COLEC12: variants seen among roughly 807,000 people sequenced by gnomAD.
COLEC12 encodes collectin subfamily member 12, also known as collectin-12.
In COLEC12, 33 loss-of-function variants were observed where a neutral mutation model predicts 71.1. The observed-to-expected ratio is 0.46, with a 90% CI of 0.35 to 0.62. The LOEUF (loss-of-function observed/expected upper bound fraction) is 0.62, where lower values mean the gene tolerates loss of function less well. COLEC12 is among the 20% of genes least tolerant of loss of function. The pLI, the probability that COLEC12 is intolerant of heterozygous loss-of-function variation, is 0.00. For missense variants in COLEC12, 765 were observed against 916.1 expected (o/e 0.84, Z 2.13); for synonymous variants, 350 against 353.0 (o/e 0.99, Z 0.10).
rs10689788 is a variant in COLEC12 at position 497,383 on chromosome 18, G to GGTGTGTGTGTGTGT, written c.7+3111_7+3124dup. Among the ~76,000 whole-genome samples the GGTGTGTGTGTGTGT allele has an allele frequency of 4.0e-3, 585 of 147,136 alleles. 4 individuals are homozygous for GGTGTGTGTGTGTGT. The highest frequency in any genetic ancestry group is 7.7e-3 in the Admixed American group (115 of 14,860). ...GATTTTCAATTTGGCTAAAGAATGGGGTGTGTGTGTGTGTGTGTGTGTGTG... is the reference window on the plus strand; with the variant it reads ...GATTTTCAATTTGGCTAAAGAATGGGGTGTGTGTGTGTGTGTGTGTGTGTGTGTGTGTGTGTGTG... On this transcript the variant is annotated intron_variant, in intron 1 of 9. Transcript: ENST00000400256.
At chr18:451,036 A>G (rs1916750729) in intron 2 of COLEC12, among the ~76,000 whole-genome samples, 1 of 152,240 alleles carries the variant, frequency 6.6e-6, no homozygotes. Flanking sequence ...CTAAGCAGCA[A>G]AACATTCAAG....
At chr18:394,227 C>T (rs1440659724) in intron 2 of COLEC12, among the ~76,000 whole-genome samples, 1 of 152,192 alleles carries the variant, frequency 6.6e-6, no homozygotes, top group Non-Finnish European at 1.5e-5. Context: ...TTCCATAGGA[C>T]AGAGGACAGG....
At chr18:349,748 T>C (rs557217764) in intron 3 of COLEC12, among the ~76,000 whole-genome samples, 2 of 152,350 alleles carry the variant, frequency 1.3e-5, no homozygotes, top group Admixed American at 6.5e-5. Flanking sequence ...ATGACCGGGA[T>C]GTGCGACCTG....
At chr18:435,186 A>T (rs1312912856) in intron 2 of COLEC12, among the ~76,000 whole-genome samples, 4 of 152,204 alleles carry the variant, frequency 2.6e-5, no homozygotes, top group African/African-American at 9.6e-5. Flanking sequence ...TTGACCTTCC[A>T]ATTTGAAGAA....
At chr18:451,922 T>C (rs1916770429) in intron 2 of COLEC12, among the ~76,000 whole-genome samples, 1 of 152,164 alleles carries the variant, frequency 6.6e-6, no homozygotes, top group Non-Finnish European at 1.5e-5. Flanking sequence ...CAAGTATTAT[T>C]AATAATATCC....
intron 2 of COLEC12, among the ~76,000 whole-genome samples, chr18:440,085 G>A (rs1458618418): frequency 6.6e-6 from 1 of 151,612 alleles, no homozygotes; most frequent in Non-Finnish European, 1.5e-5. Flanking sequence ...AGGATATTAT[G>A]CTAAGTGAAG....
At chr18:382,883 T>C (rs1163578991) in intron 2 of COLEC12, among the ~76,000 whole-genome samples, 1 of 152,264 alleles carries the variant, frequency 6.6e-6, no homozygotes. Flanking sequence ...CATTGTGTAA[T>C]GATCAAATTA....
At chr18:448,071 T>A (rs1567910843) in intron 2 of COLEC12, among the ~76,000 whole-genome samples, 1 of 152,184 alleles carries the variant, frequency 6.6e-6, no homozygotes, top group Admixed American at 6.5e-5. Flanking sequence ...TGAAAAAAAA[T>A]AATTGTGCTG....
intron 3 of COLEC12, among the ~76,000 whole-genome samples, chr18:351,535 T>C (rs181412525): frequency 1.6e-4 from 25 of 152,260 alleles, no homozygotes; most frequent in Admixed American, 8.5e-4. Context: ...ACTTTGTAGG[T>C]AGTCAATGAA....
At chr18:446,376 A>G (rs1916650296) in intron 2 of COLEC12, among the ~76,000 whole-genome samples, 1 of 152,066 alleles carries the variant, frequency 6.6e-6, no homozygotes, top group South Asian at 2.1e-4. Context: ...AGGAACTGCC[A>G]GATTGTTATG....
chr18:432,287 T>C (rs1389455700), intron 2 of COLEC12, among the ~76,000 whole-genome samples: 1 of 152,200 alleles, frequency 6.6e-6, no homozygotes, highest in Non-Finnish European at 1.5e-5. Flanking sequence ...ATTTAAGTAC[T>C]AAAACAATAT....
rs536017170 is a variant in COLEC12, at chr18:325,883, C to T, written c.2064-4076G>A. On this transcript the variant is annotated intron_variant, in intron 8 of 9. Coordinates refer to ENST00000400256, the MANE Select transcript of COLEC12 (RefSeq NM_130386.3). ...CTTGCTATGTTGCTCAGGCCGGTCT[C>T]GAACTCCTAGGCTCAAGCAATCCTC... Among the ~76,000 whole-genome samples the T allele has an allele frequency of 9.2e-5, 14 of 152,020 alleles. No homozygotes were observed. In the South Asian group the frequency reaches 2.1e-3, roughly 23 times the overall value.
chr18:412,214 G>C (rs749528405), intron 2 of COLEC12, among the ~76,000 whole-genome samples: 1 of 151,964 alleles, frequency 6.6e-6, no homozygotes, highest in Non-Finnish European at 1.5e-5. Flanking sequence ...TTTAAAAGCA[G>C]CAAGATAAAA....
chr18:453,411 G>A (rs533160561), intron 2 of COLEC12, among the ~76,000 whole-genome samples: 56 of 152,286 alleles, frequency 3.7e-4, no homozygotes, highest in African/African-American at 1.3e-3. Flanking sequence ...AGTTTCCCCT[G>A]ACCAGCATCC....
At chr18:463,745 T>C (rs1917031150) in intron 2 of COLEC12, among the ~76,000 whole-genome samples, 1 of 152,178 alleles carries the variant, frequency 6.6e-6, no homozygotes, top group Non-Finnish European at 1.5e-5. Flanking sequence ...CACACGTCCA[T>C]CACCAGCTTA....
At chr18:361,886 T>C (rs548609804) in intron 2 of COLEC12, among the ~76,000 whole-genome samples, 27 of 152,308 alleles carry the variant, frequency 1.8e-4, no homozygotes, top group African/African-American at 6.3e-4. Context: ...GTGAGCTTCT[T>C]ATGCCTCTTC....
At chr18:353,906 ATG>A (rs977143505) in intron 3 of COLEC12, among the ~76,000 whole-genome samples, 21 of 152,230 alleles carry the variant, frequency 1.4e-4, no homozygotes, top group African/African-American at 5.1e-4. Flanking sequence ...GTGTGATTTG[ATG>A]TGTATTTTGA....
intron 2 of COLEC12, among the ~76,000 whole-genome samples, chr18:370,134 C>T (rs1914968800): frequency 6.6e-6 from 1 of 152,170 alleles, no homozygotes; most frequent in South Asian, 2.1e-4. Flanking sequence ...CAGATTCTAC[C>T]AGCTGAGCCA....
intron 2 of COLEC12, among the ~76,000 whole-genome samples, chr18:465,981 T>C (rs1598373860): frequency 6.6e-6 from 1 of 152,046 alleles, no homozygotes; most frequent in Admixed American, 6.6e-5. Flanking sequence ...GGCAGGAGAA[T>C]TGCTTGAACC....
Sources: gnomAD v4.1 joint callset for allele counts (sites outside exome capture counted in the v4.1 genomes callset) on GRCh38, gnomAD v4.1.1 for gene constraint, MANE v1.5 for transcripts, NCBI Gene and HGNC (gene_info 2026-07-23, HGNC 2026-07-21) for gene names.